The following SMC6 variants were observed in gnomAD, a reference collection of about 807,000 sequenced individuals.
The protein encoded by SMC6 is structural maintenance of chromosomes protein 6.
SMC6 carries 79 observed loss-of-function variants against 142.2 expected under a neutral mutation model. The ratio of observed to expected loss-of-function variants is 0.56; its 90% CI spans 0.46 to 0.67. The LOEUF is 0.67. Ranked by LOEUF, SMC6 falls within the 30% of genes least tolerant of loss-of-function variation. SMC6 has a pLI of 0.00. For missense variants in SMC6, 1,072 were observed against 1,284.0 expected (o/e 0.83, Z 2.52); for synonymous variants, 411 against 412.4 (o/e 1.00, Z 0.04).
intron 2 of SMC6, among the ~76,000 whole-genome samples, chr2:17,751,324 T>C (rs1228345815): frequency 6.6e-6 from 1 of 151,166 alleles, no homozygotes; most frequent in South Asian, 2.1e-4. Context: ...CTACTAAAAA[T>C]ACAAAATTAG....
chr2:17,673,410 T>C (rs760353407), intron 25 of SMC6, among the ~76,000 whole-genome samples: 1 of 152,090 alleles, frequency 6.6e-6, no homozygotes, highest in African/African-American at 2.4e-5. Context: ...TTTGAGTAGG[T>C]TGCTTTTTGT....
chr2:17,722,117 A>C (rs180984389), intron 9 of SMC6, among the ~76,000 whole-genome samples: 1 of 152,010 alleles, frequency 6.6e-6, no homozygotes, highest in Non-Finnish European at 1.5e-5. Context: ...AAATTCTTTC[A>C]ATCTATTATC....
At chr2:17,726,362 G>T in intron 8 of SMC6, 27 bp downstream of exon 8, 1 of 1,560,142 alleles carries the variant, frequency 6.4e-7, no homozygotes, top group Middle Eastern at 1.9e-4. Flanking sequence ...TTTTAAATGG[G>T]TTTATATTTA....
At chr2:17,716,432 C>T (rs1204263582) in intron 14 of SMC6, among the ~76,000 whole-genome samples, 168 bp from the exon 15 acceptor site, 2 of 152,088 alleles carry the variant, frequency 1.3e-5, no homozygotes, top group Non-Finnish European at 2.9e-5. Context: ...GAAAAACAGT[C>T]TGGAGTCCTC....
intron 15 of SMC6, 152 bp downstream of exon 15, chr2:17,715,934 G>A (rs1669063705): frequency 5.0e-6 from 3 of 604,982 alleles, no homozygotes; most frequent in Non-Finnish European, 7.5e-6. Context: ...GATATTTTAT[G>A]CTTTAAAAAT....
chr2:17,731,747 C>G lies in SMC6; in HGVS notation c.475G>C (p.Ala159Pro). 6.2e-7 allele frequency: 1 copy of G among 1,610,748 alleles called. No homozygotes were observed. Among genetic ancestry groups the G allele is most frequent in the Non-Finnish European group, 8.5e-7 (1 of 1,178,820 alleles). ...DGSRSYKLKS[A>P]TGSVVSTRKE... ...AAAGAGAATCAAAACAAACCTGTTG[C>G]ACTTTTAAGTTTATAAGATCGACTT... The change falls in exon 6 of 28, where the codon GCA becomes CCA. Residue 159 changes from alanine (A) to proline (P), a missense_variant. This residue lies in a region of SMC6 where 994 missense variants were observed against 1,153.2 expected (regional missense o/e 0.86). Transcript: ENST00000448223.
At chr2:17,688,396 T>C (rs1667555429) in intron 23 of SMC6, among the ~76,000 whole-genome samples, 1 of 150,204 alleles carries the variant, frequency 6.7e-6, no homozygotes, top group South Asian at 2.1e-4. Context: ...TGACCAAAGA[T>C]GGAACAATTT....
At chr2:17,670,602 C>A in intron 25 of SMC6, 27 bp from the exon 26 acceptor site, 1 of 1,490,980 alleles carries the variant, frequency 6.7e-7, no homozygotes, top group South Asian at 1.4e-5. Flanking sequence ...TGACAAGGAA[C>A]AAAAAACTAA....
intron 26 of SMC6, among the ~76,000 whole-genome samples, chr2:17,668,408 T>G (rs1666603251): frequency 6.6e-6 from 1 of 152,076 alleles, no homozygotes; most frequent in Non-Finnish European, 1.5e-5. Flanking sequence ...TACTAAACGG[T>G]CATTATAGAC....
chr2:17,734,189 G>C (rs1371365147), intron 5 of SMC6, among the ~76,000 whole-genome samples: 1 of 152,160 alleles, frequency 6.6e-6, no homozygotes, highest in African/African-American at 2.4e-5. Flanking sequence ...GCCCCAGAGA[G>C]AGAAGTGACT....
At chr2:17,740,862 AAC>A (rs201348362) in intron 4 of SMC6, 5,770 of 228,818 alleles carry the variant, frequency 0.025, 296 homozygotes, top group African/African-American at 0.12. Context: ...AAAAACAAAA[AAC>A]AAAAAAACAA....
chr2:17,734,715 C>A (rs1259427452), intron 5 of SMC6, among the ~76,000 whole-genome samples: 2 of 148,064 alleles, frequency 1.4e-5, no homozygotes, highest in African/African-American at 2.5e-5. Flanking sequence ...TGATATCCTA[C>A]TGCTATATAA....
In SMC6 at chr2:17,718,215, A is replaced by T; in HGVS notation, c.954T>A (p.Leu318=). ...CCTTGTACTTTTGTTCTGCCTCATT[A>T]AGTCTGACCTTTAAGAAAATAACAT... The part of the protein sequence containing the change: ...DRKMEEQQVR[L]NEAEQKYKDI... Residue 318 remains leucine (L), a synonymous_variant, in exon 12 of 28, where the codon CTT becomes CTA. Transcript: ENST00000448223. The T allele has an allele frequency of 6.3e-7, 1 of 1,584,674 alleles. No homozygotes were observed. The highest frequency in any genetic ancestry group is 8.6e-7 in the Non-Finnish European group (1 of 1,168,850).
intron 9 of SMC6, among the ~76,000 whole-genome samples, chr2:17,724,856 G>C (rs1410104316): frequency 6.6e-6 from 1 of 152,122 alleles, no homozygotes; most frequent in Non-Finnish European, 1.5e-5. Context: ...TGCATACTAT[G>C]TTTAAAAACA....
Position 17,686,652 on chromosome 2 carries a change from A to G in SMC6, c.2679-2889T>C, listed in dbSNP as rs192695665. On this transcript the variant is annotated intron_variant, in intron 23 of 27. Transcript: ENST00000448223. ...TTATTCAGTGCCCCCAAGGGAAAAG[A>G]GACCTTCCTAGCCCCCTTCAGCTGT... Among the ~76,000 whole-genome samples, 98 of 152,322 alleles carry G rather than the reference A, an allele frequency of 6.4e-4. 1 individual carries two copies. Among genetic ancestry groups the G allele is most frequent in the Non-Finnish European group, 1.1e-3 (74 of 68,034 alleles).
chr2:17,741,750 G>A (rs1247682621), intron 3 of SMC6, 21 bp from the exon 4 acceptor site: 4 of 1,499,698 alleles, frequency 2.7e-6, no homozygotes, highest in Non-Finnish European at 3.7e-6. Context: ...AAAACAATGG[G>A]AGAAAATGGT....
chr2:17,715,997 AT>A, intron 15 of SMC6, 88 bp downstream of exon 15: 1 of 1,094,878 alleles, frequency 9.1e-7, no homozygotes, highest in Non-Finnish European at 1.2e-6. Context: ...AAATGAAATC[AT>A]TTTATTTCGA....
At chr2:17,727,932 G>A (rs1382921350) in intron 7 of SMC6, among the ~76,000 whole-genome samples, 1 of 152,120 alleles carries the variant, frequency 6.6e-6, no homozygotes, top group African/African-American at 2.4e-5. Context: ...GACTCCATCT[G>A]CCATATATTT....
intron 25 of SMC6, among the ~76,000 whole-genome samples, chr2:17,674,220 T>A (rs888067120): frequency 6.6e-6 from 1 of 152,206 alleles, no homozygotes; most frequent in African/African-American, 2.4e-5. Context: ...TGAGAAATCC[T>A]ATGGCTGTAT....
Sources: allele counts gnomAD v4.1 joint callset (sites outside exome capture counted in the v4.1 genomes callset), GRCh38; gene constraint gnomAD v4.1.1; regional missense constraint gnomAD v4.1.1; transcripts MANE v1.5; gene names NCBI Gene and HGNC (gene_info 2026-07-23, HGNC 2026-07-21).